Variants in ADGRG1 observed in about 807,000 individuals in gnomAD.
ADGRG1 encodes the protein adhesion G protein-coupled receptor G1, also known as 7-transmembrane protein with no EGF-like N-terminal domains-1.
ADGRG1 carries 53 observed loss-of-function variants against 73.5 expected under a neutral mutation model. The ratio of observed to expected loss-of-function variants is 0.72; its 90% confidence interval spans 0.58 to 0.91. The LOEUF (loss-of-function observed/expected upper bound fraction) is 0.91, where lower values mean the gene tolerates loss of function less well. Among genes scored for constraint, ADGRG1 ranks in the 40% least tolerant of loss-of-function variants. The pLI is 0.00. For synonymous variants in ADGRG1, 394 were observed against 374.4 expected (o/e 1.05, Z -0.60); for missense variants, 795 against 871.8 (o/e 0.91, Z 1.11).
At chr16:57,653,636 C>A in intron 4 of ADGRG1, 1 of 958,362 alleles carries the variant, frequency 1.0e-6, no homozygotes, top group Non-Finnish European at 1.2e-6. Flanking sequence ...CAGAGCCGCT[C>A]CAAGGCCACA....
chr16:57,650,522 C>T (rs2043783781), intron 2 of ADGRG1, 171 bp downstream of exon 2: 2 of 594,262 alleles, frequency 3.4e-6, no homozygotes, highest in East Asian at 1.4e-4. Context: ...AGGTGCAGCC[C>T]TGCAGTGCAC....
At chr16:57,644,168 C>T in intron 1 of ADGRG1, 4 of 985,310 alleles carry the variant, frequency 4.1e-6, no homozygotes, top group African/African-American at 1.7e-5. Context: ...TCCCCGCCTT[C>T]TCTTGCTTTC....
upstream of ADGRG1, among the ~76,000 whole-genome samples, chr16:57,620,558 G>A (rs1264605658): frequency 6.6e-6 from 1 of 152,188 alleles, no homozygotes; most frequent in Non-Finnish European, 1.5e-5. Context: ...CACGGAAACC[G>A]GTTTGGGAGC....
chr16:57,630,445 C>T, intron 1 of ADGRG1: 1 of 985,754 alleles, frequency 1.0e-6, no homozygotes, highest in Non-Finnish European at 1.2e-6. Flanking sequence ...CCCTTCCTCT[C>T]CTCTCGCCTC....
At chr16:57,653,816 C>G (rs1420444396) in intron 4 of ADGRG1, 170 bp from the exon 5 acceptor site, 2 of 985,250 alleles carry the variant, frequency 2.0e-6, no homozygotes, top group South Asian at 4.7e-5. Flanking sequence ...CTGCTTTTCT[C>G]TTTTGTCTGC....
At chr16:57,653,862 T>C (rs1305348822) in intron 4 of ADGRG1, 124 bp from the exon 5 acceptor site, 11 of 1,573,060 alleles carry the variant, frequency 7.0e-6, no homozygotes, top group Non-Finnish European at 9.5e-6. Context: ...CCCCTCTCTC[T>C]GCCTCTGCCT....
chr16:57,642,134 C>T (rs2041003781), intron 1 of ADGRG1: 1 of 985,264 alleles, frequency 1.0e-6, no homozygotes. Flanking sequence ...TCTTTTCCAA[C>T]ATCCTGAGTG....
chr16:57,629,265 A>G (rs2037046447), intron 1 of ADGRG1: 2 of 733,736 alleles, frequency 2.7e-6, no homozygotes, highest in Middle Eastern at 6.8e-4. Flanking sequence ...GATGCCTGGG[A>G]GGGGACTGGG....
chr16:57,631,510 A>C (rs1384764032), intron 1 of ADGRG1: 32 of 985,566 alleles, frequency 3.2e-5, no homozygotes, highest in Non-Finnish European at 3.7e-5. Flanking sequence ...CAGAGCCCCA[A>C]ACCCCAGCAC....
chr16:57,654,279 TC>T, intron 5 of ADGRG1, 146 bp downstream of exon 5: 1 of 782,700 alleles, frequency 1.3e-6, no homozygotes, highest in Non-Finnish European at 2.0e-6. Flanking sequence ...AGGATAGCCA[TC>T]CTAAGTCAGT....
At chr16:57,633,600 C>T in intron 1 of ADGRG1, 1 of 740,540 alleles carries the variant, frequency 1.4e-6, no homozygotes, top group Non-Finnish European at 1.6e-6. Flanking sequence ...GCTGTGTGGC[C>T]TGGGACAGGT....
chr16:57,644,327 A>C (rs55740858), intron 1 of ADGRG1: 3 of 367,178 alleles, frequency 8.2e-6, no homozygotes, highest in African/African-American at 6.7e-5. Context: ...AAGGACATTC[A>C]TGCATGGGCA....
intron 3 of ADGRG1, chr16:57,652,604 A>C (rs2044375183): frequency 4.1e-6 from 4 of 984,368 alleles, no homozygotes; most frequent in Non-Finnish European, 4.8e-6. Flanking sequence ...AAAAACATGG[A>C]CCAGGGATTT....
At chr16:57,643,113 A>T (rs567321802) in intron 1 of ADGRG1, 1 of 152,254 alleles carries the variant, frequency 6.6e-6, no homozygotes, top group African/African-American at 2.4e-5. Context: ...CCCACTCATC[A>T]TCTGGTGTCC....
chr16:57,626,599 C>A, upstream of ADGRG1: 1 of 985,448 alleles, frequency 1.0e-6, no homozygotes, highest in Non-Finnish European at 1.2e-6. Context: ...CCCCATAAGC[C>A]TCTCCTATGT....
intron 1 of ADGRG1, among the ~76,000 whole-genome samples, chr16:57,634,855 A>G (rs2038963059): frequency 6.6e-6 from 1 of 152,178 alleles, no homozygotes; most frequent in Non-Finnish European, 1.5e-5. Flanking sequence ...GGGTCTTTCT[A>G]GCCGCATCAG....
rs184932332 is a variant in ADGRG1, at chr16:57,653,654, T to C, written c.620+319T>C. On this transcript the variant is annotated intron_variant, in intron 4 of 13. Transcript: ENST00000562631. ...AGCCGCTCCAAGGCCACAGAGTAGG[T>C]TGGCACAGGCGGAGCTGGGCCCAAA... 7,370 of 933,866 alleles carry C rather than the reference T, an allele frequency of 7.9e-3. 31 individuals carry two copies. Among genetic ancestry groups the C allele is most frequent in the Admixed American group, 9.6e-3 (156 of 16,224 alleles). 57.8% of individuals were successfully genotyped at this position (933,866 alleles called of 1,614,324 possible).
intron 1 of ADGRG1, chr16:57,645,441 T>A: frequency 1.8e-6 from 1 of 540,998 alleles, no homozygotes; most frequent in Non-Finnish European, 2.3e-6. Context: ...AGGGCCCCGC[T>A]AAATGCTGGG....
chr16:57,622,243 A>T (rs1332953213), intron 2 of ADGRG1: 2 of 152,172 alleles, frequency 1.3e-5, no homozygotes, highest in African/African-American at 4.8e-5. Flanking sequence ...TCCATTTTAC[A>T]CAGGAAGATA....
Sources: allele counts gnomAD v4.1 joint callset (sites outside exome capture counted in the v4.1 genomes callset), GRCh38; gene constraint gnomAD v4.1.1; transcripts MANE v1.5; gene names NCBI Gene and HGNC (gene_info 2026-07-23, HGNC 2026-07-21).